Variants in CA10 observed in about 807,000 individuals in gnomAD.
CA10 encodes the protein carbonic anhydrase 10 (inactive).
A neutral mutation model predicts 44.2 loss-of-function variants in CA10; 14 were observed. The ratio of observed to expected loss-of-function variants is 0.32; its 90% CI spans 0.21 to 0.50. The LOEUF (loss-of-function observed/expected upper bound fraction) is 0.50. CA10 is among the 20% of genes least tolerant of loss of function. CA10 has a pLI of 0.99. For synonymous variants in CA10, 159 were observed against 141.6 expected, an observed-to-expected ratio of 1.12 and a Z score of -0.87; for missense variants, 350 against 409.7, an observed-to-expected ratio of 0.85 and a Z score of 1.26.
intron 2 of CA10, among the ~76,000 whole-genome samples, chr17:52,068,088 G>C (rs189189216): frequency 6.6e-6 from 1 of 152,126 alleles, no homozygotes; most frequent in African/African-American, 2.4e-5. Context: ...AAAGTGGTAC[G>C]GTAGGTTTAG....
chr17:51,721,907 T>A (rs1301292345), intron 4 of CA10, among the ~76,000 whole-genome samples: 1 of 152,174 alleles, frequency 6.6e-6, no homozygotes, highest in Non-Finnish European at 1.5e-5. Flanking sequence ...TCCTTTATAA[T>A]AAACCAGAGT....
chr17:52,079,143 G>A (rs746855938), intron 1 of CA10, among the ~76,000 whole-genome samples: 8 of 152,088 alleles, frequency 5.3e-5, no homozygotes, highest in African/African-American at 1.4e-4. Context: ...AAAATTAGCC[G>A]GGCGCTGTGG....
intron 3 of CA10, among the ~76,000 whole-genome samples, chr17:51,868,057 AACACACACACACACAC>A (rs34631877): frequency 2.1e-5 from 3 of 144,938 alleles, no homozygotes; most frequent in South Asian, 2.3e-4. Context: ...AAGCAGGTGT[AACACACACACACACAC>A]ACACACACAC....
At chr17:51,966,215 A>C (rs1227363225) in intron 2 of CA10, among the ~76,000 whole-genome samples, 1 of 151,966 alleles carries the variant, frequency 6.6e-6, no homozygotes, top group Non-Finnish European at 1.5e-5. Flanking sequence ...ATCACAGATG[A>C]CACAGACGGA....
intron 3 of CA10, among the ~76,000 whole-genome samples, chr17:51,845,871 C>A (rs533217961): frequency 6.6e-6 from 1 of 152,292 alleles, no homozygotes; most frequent in South Asian, 2.1e-4. Flanking sequence ...ATATTTCAAA[C>A]GTGATCTGAA....
chr17:51,699,276 T>C (rs1426558562), intron 4 of CA10, among the ~76,000 whole-genome samples: 1 of 150,868 alleles, frequency 6.6e-6, no homozygotes, highest in Non-Finnish European at 1.5e-5. Context: ...TGAGCCGAGA[T>C]CATGCCATTG....
At chr17:51,701,095 AT>A (rs138706314) in intron 4 of CA10, among the ~76,000 whole-genome samples, 11,989 of 151,316 alleles carry the variant, frequency 0.079, 1,590 homozygotes, top group African/African-American at 0.27. Context: ...TAAAAAAACA[AT>A]TTTTTTTTCA....
intron 4 of CA10, among the ~76,000 whole-genome samples, chr17:51,725,375 T>G (rs1916480661): frequency 6.6e-6 from 1 of 152,246 alleles, no homozygotes. Flanking sequence ...CTTCCTCTTT[T>G]TTAGTTTCAC....
intron 4 of CA10, among the ~76,000 whole-genome samples, chr17:51,656,919 C>CTATG (rs1159657552): frequency 5.3e-5 from 8 of 152,156 alleles, no homozygotes; most frequent in African/African-American, 1.9e-4. Context: ...CATGCATCAC[C>CTATG]TATGTTGGAA....
chr17:51,693,116 G>T (rs1025805733), intron 4 of CA10, among the ~76,000 whole-genome samples: 11 of 152,178 alleles, frequency 7.2e-5, no homozygotes. Context: ...ACTAGTTTCA[G>T]CAGGGCTCAA....
intron 3 of CA10, among the ~76,000 whole-genome samples, chr17:51,870,257 C>A (rs1272704487): frequency 6.6e-6 from 1 of 152,246 alleles, no homozygotes; most frequent in East Asian, 1.9e-4. Context: ...ATCCAAGAAT[C>A]ACCAAGAGCT....
At chr17:52,056,738 C>T (rs987285728) in intron 2 of CA10, among the ~76,000 whole-genome samples, 1 of 151,848 alleles carries the variant, frequency 6.6e-6, no homozygotes, top group Non-Finnish European at 1.5e-5. Context: ...TGTAAACAAT[C>T]CCATTATCAT....
intron 4 of CA10, 44 bp from the exon 5 acceptor site, chr17:51,653,780 TA>T: frequency 8.5e-7 from 1 of 1,181,124 alleles, no homozygotes. Flanking sequence ...AATCCAACAT[TA>T]AAAGGTATGA....
intron 1 of CA10, among the ~76,000 whole-genome samples, chr17:52,096,161 G>A (rs150054020): frequency 1.6e-3 from 239 of 152,218 alleles, no homozygotes; most frequent in African/African-American, 5.4e-3. Flanking sequence ...CCAATATAGG[G>A]GTACATAGGC....
chr17:51,787,187 T>A (rs1055846807), intron 3 of CA10, among the ~76,000 whole-genome samples: 4 of 152,238 alleles, frequency 2.6e-5, no homozygotes, highest in African/African-American at 9.6e-5. Flanking sequence ...ACTGGCCTCA[T>A]AGAATGAACT....
chr17:51,636,359 A>G (rs1912826325), intron 6 of CA10, among the ~76,000 whole-genome samples: 1 of 152,256 alleles, frequency 6.6e-6, no homozygotes, highest in Non-Finnish European at 1.5e-5. Flanking sequence ...TCACAGTGAC[A>G]GAAGCGAAAG....
At chr17:51,876,637 C>A (rs1980094250) in intron 3 of CA10, among the ~76,000 whole-genome samples, 1 of 151,816 alleles carries the variant, frequency 6.6e-6, no homozygotes, top group Non-Finnish European at 1.5e-5. Flanking sequence ...GTTGTGAAAA[C>A]CAAAATGTCT....
At chr17:52,090,739 A>C (rs768077788) in intron 1 of CA10, among the ~76,000 whole-genome samples, 60 of 152,288 alleles carry the variant, frequency 3.9e-4, no homozygotes, top group Non-Finnish European at 7.9e-4. Context: ...GTAGACCAGC[A>C]GTCTAACTCT....
chr17:51,939,136 G>GTA (rs1052321326), intron 2 of CA10, among the ~76,000 whole-genome samples: 49 of 151,822 alleles, frequency 3.2e-4, no homozygotes, highest in African/African-American at 1.1e-3. Flanking sequence ...ATATACACAT[G>GTA]TATATATATA....
Sources: allele counts gnomAD v4.1 joint callset (sites outside exome capture counted in the v4.1 genomes callset), GRCh38; gene constraint gnomAD v4.1.1; transcripts MANE v1.5; gene names NCBI Gene and HGNC (gene_info 2026-07-23, HGNC 2026-07-21).